The following PDE2A variants were observed in gnomAD, a reference collection of about 807,000 sequenced individuals.
PDE2A encodes the protein phosphodiesterase 2A, also known as cGMP-dependent 3',5'-cyclic phosphodiesterase.
Under a neutral mutation model 133.6 loss-of-function variants are expected in PDE2A, and 53 were observed. The observed-to-expected ratio is 0.40, with a 90% confidence interval of 0.32 to 0.50. The LOEUF is 0.50. PDE2A is among the 20% of genes least tolerant of loss of function. The probability of loss-of-function intolerance (pLI) is 0.73; values close to 1 mark genes in which losing one functional copy is unlikely to be tolerated. For missense variants in PDE2A, 796 were observed against 1,232.4 expected, an observed-to-expected ratio of 0.65 and a Z score of 5.30; for synonymous variants, 491 against 490.2, an observed-to-expected ratio of 1.00 and a Z score of -0.02.
chr11:72,591,284 C>T lies in PDE2A; in HGVS notation c.549+13G>A, dbSNP rs757048145. 6.2e-7 allele frequency: 1 copy of T among 1,609,006 alleles called. No individual in the cohort carries two copies. The highest frequency in any genetic ancestry group is 8.5e-7 in the Non-Finnish European group (1 of 1,175,384). On this transcript the variant is annotated intron_variant, in intron 7 of 30. Coordinates refer to ENST00000334456, the MANE Select transcript of PDE2A (RefSeq NM_002599.5). ...TCTTCAGCCTCATTGCACATGGCCCCACTCCCACTCACATGCTTCTCCACC... is the reference window on the plus strand; with the variant it reads ...TCTTCAGCCTCATTGCACATGGCCCTACTCCCACTCACATGCTTCTCCACC...
At chr11:72,582,758 C>T (rs402250) in intron 20 of PDE2A, among the ~76,000 whole-genome samples, 192 bp from the exon 21 acceptor site, 114,790 of 152,030 alleles carry the variant, frequency 0.76, 44,040 homozygotes, top group Middle Eastern at 0.86. Flanking sequence ...CCGCGCGCCT[C>T]CCTGCAGGTG....
intron 1 of PDE2A, among the ~76,000 whole-genome samples, chr11:72,657,444 C>T (rs1854929863): frequency 6.6e-6 from 1 of 152,132 alleles, no homozygotes; most frequent in South Asian, 2.1e-4. Flanking sequence ...CCAGTCCATG[C>T]CAGATGCAGC....
Position 72,637,058 on chromosome 11 carries a change from C to T in PDE2A, c.144+5196G>A, listed in dbSNP as rs1017961363. The stretch of plus-strand genomic sequence containing the variant: ...AGGCTCTCCTCCCTCTGTCTGCCAC[C>T]AGCGAACCTTCACAGTAACCATTCT... On this transcript the variant is annotated intron_variant, in intron 2 of 30. Coordinates refer to ENST00000334456, the MANE Select transcript of PDE2A (RefSeq NM_002599.5). Among the ~76,000 whole-genome samples the T allele has an allele frequency of 2.1e-5, 3 of 141,176 alleles. No homozygotes were observed. The East Asian group carries it at 5.8e-4, about 27-fold the overall frequency. 92.6% of individuals were successfully genotyped at this position (141,176 alleles called of 152,430 possible).
At chr11:72,630,796 G>A (rs1231060179) in intron 2 of PDE2A, among the ~76,000 whole-genome samples, 1 of 151,988 alleles carries the variant, frequency 6.6e-6, no homozygotes, top group African/African-American at 2.4e-5. Context: ...GAGAATCAAC[G>A]GGAATTGTTG....
At chr11:72,598,403 C>T in intron 4 of PDE2A, 1 of 820,914 alleles carries the variant, frequency 1.2e-6, no homozygotes, top group Non-Finnish European at 1.8e-6. Context: ...TGGTGGGAAC[C>T]AAGGCAGGGG....
At chr11:72,663,222 G>A (rs1189958129) in intron 1 of PDE2A, among the ~76,000 whole-genome samples, 1 of 152,188 alleles carries the variant, frequency 6.6e-6, no homozygotes, top group Non-Finnish European at 1.5e-5. Context: ...AGCACAGGCA[G>A]GGCACACCAG....
chr11:72,642,494 C>G (rs996044126), intron 1 of PDE2A, 168 bp from the exon 2 acceptor site: 4 of 703,206 alleles, frequency 5.7e-6, no homozygotes, highest in Admixed American at 6.5e-5. Context: ...CCGCCCCCCG[C>G]CCGCCCCCGG....
intron 2 of PDE2A, among the ~76,000 whole-genome samples, chr11:72,625,649 T>C (rs401999): frequency 0.66 from 99,716 of 151,782 alleles, 33,064 homozygotes; most frequent in Middle Eastern, 0.78. Flanking sequence ...ATGAGAGAGG[T>C]GGAGGGCATT....
chr11:72,637,020 G>A (rs1253700072), intron 2 of PDE2A, among the ~76,000 whole-genome samples: 1 of 137,466 alleles, frequency 7.3e-6, no homozygotes, highest in Non-Finnish European at 1.5e-5. Flanking sequence ...GCTCCATGGA[G>A]TGGTGCTGCC....
chr11:72,672,520 T>C (rs1241968800), intron 1 of PDE2A, among the ~76,000 whole-genome samples: 8 of 152,098 alleles, frequency 5.3e-5, no homozygotes, highest in African/African-American at 1.9e-4. Context: ...TCTGATCATG[T>C]CTCTCCCCTA....
intron 1 of PDE2A, among the ~76,000 whole-genome samples, chr11:72,644,781 GGAGTCTC>G (rs535951197): frequency 6.7e-6 from 1 of 149,222 alleles, no homozygotes; most frequent in East Asian, 2.0e-4. Flanking sequence ...TTTTTGAGAC[GGAGTCTC>G]GCTCTGTCAC....
At chr11:72,592,445 G>A (rs571846774) in intron 6 of PDE2A, among the ~76,000 whole-genome samples, 1 of 152,224 alleles carries the variant, frequency 6.6e-6, no homozygotes, top group African/African-American at 2.4e-5. Flanking sequence ...GGGGTGGGAC[G>A]AGTGGGGAGA....
intron 1 of PDE2A, among the ~76,000 whole-genome samples, chr11:72,655,265 G>A (rs1032728315): frequency 2.0e-5 from 3 of 150,198 alleles, no homozygotes; most frequent in African/African-American, 4.9e-5. Context: ...TCGATCGACT[G>A]TCTCCCAGCC....
At chr11:72,624,753 G>A (rs1857966518) in intron 2 of PDE2A, among the ~76,000 whole-genome samples, 1 of 152,210 alleles carries the variant, frequency 6.6e-6, no homozygotes. Flanking sequence ...ATCACACAGT[G>A]TTACACACTT....
intron 2 of PDE2A, among the ~76,000 whole-genome samples, chr11:72,609,246 T>A (rs1857101911): frequency 6.6e-6 from 1 of 152,148 alleles, no homozygotes; most frequent in Non-Finnish European, 1.5e-5. Flanking sequence ...CAGGCTGACA[T>A]GAAGATAAAA....
chr11:72,632,205 G>A lies in PDE2A; in HGVS notation c.144+10049C>T, dbSNP rs563597313. Among the ~76,000 whole-genome samples the A allele has an allele frequency of 2.6e-5, 4 of 152,276 alleles. No individual in the cohort carries two copies. In the East Asian group the frequency reaches 5.8e-4, roughly 22 times the overall value. ...GCCTGGGCACTGGATACCTGCCCAC[G>A]ACTACTGGAATCTCTGGCTCTCCTT... On this transcript the variant is annotated intron_variant, in intron 2 of 30. Transcript: ENST00000334456.
At chr11:72,670,265 G>C (rs897916195) in intron 1 of PDE2A, among the ~76,000 whole-genome samples, 2 of 152,158 alleles carry the variant, frequency 1.3e-5, no homozygotes, top group Non-Finnish European at 2.9e-5. Context: ...GGAAAGACTC[G>C]GAGCTTCCAT....
intron 2 of PDE2A, chr11:72,615,201 C>T (rs1371494988): frequency 2.8e-5 from 11 of 399,074 alleles, no homozygotes; most frequent in Admixed American, 2.5e-4. Flanking sequence ...GTTGGCTCCT[C>T]CCTTCCAGCG....
Position 72,590,497 on chromosome 11 carries a change from C to G in PDE2A, c.633G>C (p.Glu211Asp). ...CGCCCTTCTGGTCTTCCGCCGTCCCCTCCGGGGGGTTCTGGACGGCTCGGG... is the reference window on the plus strand; with the variant it reads ...CGCCCTTCTGGTCTTCCGCCGTCCCGTCCGGGGGGTTCTGGACGGCTCGGG... ...EAPRAVQNPPEGTAEDQKGGA... is the reference protein window; with the variant it reads ...EAPRAVQNPPDGTAEDQKGGA... The change falls in exon 8 of 31, where the codon GAG (glutamate) becomes GAC (aspartate). Residue 211 changes from glutamate (E) to aspartate (D), a missense_variant. By Grantham distance (45) the Glu-to-Asp change is conservative. Around this residue, in one of 7 missense-constraint regions of PDE2A, gnomAD observed 417 missense variants for 475.3 expected, o/e 0.88. Transcript: ENST00000334456. The surrounding 1 kb of genome is among the most constrained non-coding windows in gnomAD (Gnocchi z 4.8). 1 of 1,517,402 alleles carries G rather than the reference C, an allele frequency of 6.6e-7. No individual in the cohort carries two copies. Among genetic ancestry groups the G allele is most frequent in the Non-Finnish European group, 8.8e-7 (1 of 1,137,342 alleles). 94.0% of individuals were successfully genotyped at this position (1,517,402 alleles called of 1,614,324 possible).
Sources: gnomAD v4.1 joint callset for allele counts (sites outside exome capture counted in the v4.1 genomes callset) on GRCh38, gnomAD v4.1.1 for gene constraint, gnomAD v4.1.1 regional missense constraint, Gnocchi (gnomAD v3.1) non-coding constraint, MANE v1.5 for transcripts, NCBI Gene and HGNC (gene_info 2026-07-23, HGNC 2026-07-21) for gene names.